The following CADM2 variants were observed in gnomAD, a reference collection of about 807,000 sequenced individuals.
CADM2 encodes cell adhesion molecule 2, also known as immunoglobulin superfamily member 4D.
Under a neutral mutation model 49.8 loss-of-function variants are expected in CADM2, and 12 were observed. The observed-to-expected ratio is 0.24, with a 90% CI of 0.15 to 0.39. The LOEUF is 0.39. CADM2 is among the 10% of genes least tolerant of loss of function. CADM2 has a pLI of 1.00. For missense variants in CADM2, 378 were observed against 492.3 expected (o/e 0.77, Z 2.20); for synonymous variants, 214 against 175.4 (o/e 1.22, Z -1.74).
intron 1 of CADM2, among the ~76,000 whole-genome samples, chr3:85,038,198 A>G (rs2035298159): frequency 6.6e-6 from 1 of 152,206 alleles, no homozygotes; most frequent in Non-Finnish European, 1.5e-5. Flanking sequence ...GCCAAGCAGC[A>G]AAAAGAGCAG....
chr3:85,672,434 C>T (rs940916574), intron 1 of CADM2, among the ~76,000 whole-genome samples: 4 of 151,980 alleles, frequency 2.6e-5, no homozygotes, highest in Admixed American at 6.6e-5. Flanking sequence ...CCTTGTGATC[C>T]GCTCGCCTTG....
chr3:85,864,668 A>C (rs148098938), intron 3 of CADM2, among the ~76,000 whole-genome samples: 1 of 152,206 alleles, frequency 6.6e-6, no homozygotes, highest in Non-Finnish European at 1.5e-5. Context: ...TTCTAATACT[A>C]TTTAAAATTA....
intron 1 of CADM2, among the ~76,000 whole-genome samples, chr3:85,583,333 C>T (rs576355700): frequency 5.3e-5 from 8 of 152,144 alleles, no homozygotes; most frequent in Admixed American, 2.6e-4. Flanking sequence ...TTGCCAAAGG[C>T]GAACTTCACC....
At chr3:85,767,523 C>A (rs962208938) in intron 2 of CADM2, among the ~76,000 whole-genome samples, 11 of 152,074 alleles carry the variant, frequency 7.2e-5, no homozygotes, top group Admixed American at 2.0e-4. Flanking sequence ...ATGAAGTTTT[C>A]TTCTCACTAA....
intron 5 of CADM2, 69 bp from the exon 6 acceptor site, chr3:85,912,304 A>T: frequency 1.7e-6 from 2 of 1,170,860 alleles, no homozygotes; most frequent in Non-Finnish European, 2.4e-6. Context: ...TGTTTCCATT[A>T]TCTTGAGTAA....
rs1313299024 is a variant in CADM2, at chr3:85,005,702, AT to A, written c.61+46035del. Among the ~76,000 whole-genome samples, 3 of 151,928 alleles carry A rather than the reference AT, an allele frequency of 2.0e-5. No individual in the cohort carries two copies. The South Asian group carries it at 6.2e-4, about 32-fold the overall frequency. On this transcript the variant is annotated intron_variant, in intron 1 of 9. Coordinates refer to ENST00000383699, the MANE Select transcript of CADM2 (RefSeq NM_001167675.2). ...GTTCTAAGATCTGATAAAAAAAAAAATACAGTTTTTTTTTCTTTTATACATC... is the reference window on the plus strand; with the variant it reads ...GTTCTAAGATCTGATAAAAAAAAAAAACAGTTTTTTTTTCTTTTATACATC...
At chr3:85,748,847 G>C (rs569894849) in intron 2 of CADM2, among the ~76,000 whole-genome samples, 28 of 152,116 alleles carry the variant, frequency 1.8e-4, no homozygotes, top group African/African-American at 6.5e-4. Flanking sequence ...ATGTTGTCTG[G>C]TGGATAAATG....
rs557373197 is a variant in CADM2 at position 85,446,680 on chromosome 3, G to T, written c.62-279842G>T. On this transcript the variant is annotated intron_variant, in intron 1 of 9. Transcript: ENST00000383699. ...TACAAGGGTGCTATCTCAGCTCACC[G>T]CAACCTCCCCATCCCAGGTTCAAGC... 3.5e-5 allele frequency among the ~76,000 whole-genome samples: 5 copies of T among 142,410 alleles called. No homozygotes were observed. In the East Asian group the frequency reaches 6.6e-4, roughly 19 times the overall value. 93.4% of individuals were successfully genotyped at this position (142,410 alleles called of 152,430 possible). A position where few individuals can be genotyped will look rare whatever the true frequency, so the allele number is the denominator to read the frequency against.
intron 8 of CADM2, among the ~76,000 whole-genome samples, chr3:86,010,458 GA>G (rs1260594456): frequency 3.3e-5 from 5 of 151,258 alleles, no homozygotes; most frequent in African/African-American, 1.2e-4. Context: ...GATAATAGAA[GA>G]AAAAATTTTA....
intron 1 of CADM2, among the ~76,000 whole-genome samples, chr3:85,370,962 T>C (rs1440091443): frequency 2.0e-5 from 3 of 151,924 alleles, no homozygotes; most frequent in South Asian, 2.1e-4. Context: ...GAAACAAAAA[T>C]TGTCGATAGA....
At chr3:85,329,007 G>C (rs942458935) in intron 1 of CADM2, among the ~76,000 whole-genome samples, 5 of 151,924 alleles carry the variant, frequency 3.3e-5, no homozygotes, top group African/African-American at 1.2e-4. Context: ...TTAAATAGAG[G>C]TTAAGAGGAT....
chr3:85,452,514 G>T (rs997996712), intron 1 of CADM2, among the ~76,000 whole-genome samples: 9 of 151,608 alleles, frequency 5.9e-5, no homozygotes, highest in Admixed American at 3.3e-4. Flanking sequence ...TTAATTTATT[G>T]CATGTTTTCC....
intron 1 of CADM2, among the ~76,000 whole-genome samples, chr3:85,384,468 C>G (rs150642777): frequency 6.6e-6 from 1 of 151,958 alleles, no homozygotes; most frequent in Non-Finnish European, 1.5e-5. Context: ...CCCGCCACCA[C>G]GCCCGGCTAA....
rs1739724218 is a variant in CADM2, at chr3:86,070,080, G to A, written c.*3297G>A. The A allele has an allele frequency of 6.6e-6, 1 of 151,864 alleles. No homozygotes were observed. Among genetic ancestry groups the A allele is most frequent in the African/African-American group, 2.4e-5 (1 of 41,380 alleles). The allele number at this position is 151,864 out of a possible 1,614,324, so 9.4% of individuals were successfully genotyped here. On this transcript the variant is annotated 3_prime_UTR_variant, in exon 10 of 10. Transcript: ENST00000383699. ...GAAGCAGTTTAAGGAACCTGATATT[G>A]GAGTTTAATCTAGAAACTGGATGAT...
intron 1 of CADM2, among the ~76,000 whole-genome samples, chr3:85,000,026 C>T (rs559496621): frequency 1.8e-4 from 28 of 151,784 alleles, no homozygotes; most frequent in African/African-American, 5.1e-4. Flanking sequence ...TTAATGTTTA[C>T]GATATTTACC....
chr3:85,129,823 T>C (rs1488382650), intron 1 of CADM2, among the ~76,000 whole-genome samples: 1 of 152,254 alleles, frequency 6.6e-6, no homozygotes, highest in African/African-American at 2.4e-5. Context: ...AGCTAGTATG[T>C]ATACATATAA....
At chr3:85,456,320 T>C (rs971749441) in intron 1 of CADM2, among the ~76,000 whole-genome samples, 1 of 152,150 alleles carries the variant, frequency 6.6e-6, no homozygotes, top group African/African-American at 2.4e-5. Context: ...ACCCTGTATC[T>C]ACTTGAATCA....
At chr3:85,115,812 A>G (rs1476528414) in intron 1 of CADM2, among the ~76,000 whole-genome samples, 1 of 152,170 alleles carries the variant, frequency 6.6e-6, no homozygotes, top group Admixed American at 6.5e-5. Context: ...ACATCAGTTA[A>G]AGAGGTGTGA....
At chr3:85,609,091 C>G (rs2107441486) in intron 1 of CADM2, among the ~76,000 whole-genome samples, 1 of 152,100 alleles carries the variant, frequency 6.6e-6, no homozygotes, top group African/African-American at 2.4e-5. Context: ...TTCTCAGGTA[C>G]TACTTTGCAT....
Sources: allele counts gnomAD v4.1 joint callset (sites outside exome capture counted in the v4.1 genomes callset), GRCh38; gene constraint gnomAD v4.1.1; transcripts MANE v1.5; gene names NCBI Gene and HGNC (gene_info 2026-07-23, HGNC 2026-07-21).